WWOX: variants seen among roughly 807,000 people sequenced by gnomAD.
WWOX encodes the protein WW domain containing oxidoreductase, also known as WW domain-containing oxidoreductase.
In WWOX, 69 loss-of-function variants were observed where a neutral mutation model predicts 46.2. The observed-to-expected ratio is 1.49, with a 90% CI of 1.23 to 1.82. WWOX has a LOEUF of 1.82. WWOX is among the 40% of genes most tolerant of loss of function. The probability of loss-of-function intolerance (pLI) is 0.00; values close to 1 mark genes in which losing one functional copy is unlikely to be tolerated. For missense variants in WWOX, 919 were observed against 542.6 expected, an observed-to-expected ratio of 1.69 and a Z score of -6.89; for synonymous variants, 359 against 202.6, an observed-to-expected ratio of 1.77 and a Z score of -6.56.
At chr16:79,129,640 C>A (rs1162932567) in intron 8 of WWOX, among the ~76,000 whole-genome samples, 3 of 152,074 alleles carry the variant, frequency 2.0e-5, no homozygotes, top group Admixed American at 2.0e-4. Flanking sequence ...AAATGAAATT[C>A]ATTTCACATT....
At chr16:79,080,802 A>G (rs879603817) in intron 8 of WWOX, among the ~76,000 whole-genome samples, 2 of 152,216 alleles carry the variant, frequency 1.3e-5, no homozygotes, top group Admixed American at 1.3e-4. Context: ...CAACATCTCT[A>G]AAAGAATTTT....
chr16:78,974,702 A>C (rs559459332), intron 8 of WWOX, among the ~76,000 whole-genome samples: 6 of 152,312 alleles, frequency 3.9e-5, no homozygotes, highest in Admixed American at 1.3e-4. Context: ...AATGGTGTTT[A>C]CAGAGTTGCC....
At chr16:78,336,326 A>T in intron 5 of WWOX, among the ~76,000 whole-genome samples, 1 of 60,598 alleles carries the variant, frequency 1.7e-5, no homozygotes, top group East Asian at 4.1e-4. Flanking sequence ...TACAAAAATA[A>T]CACCAAAAAA....
At chr16:78,712,178 C>G (rs1026376571) in intron 8 of WWOX, among the ~76,000 whole-genome samples, 1 of 152,066 alleles carries the variant, frequency 6.6e-6, no homozygotes. Flanking sequence ...GTGGGATAGG[C>G]TCATTCAGGG....
At chr16:78,289,869 T>TGTGA (rs77142384) in intron 5 of WWOX, among the ~76,000 whole-genome samples, 39,756 of 151,866 alleles carry the variant, frequency 0.26, 5,577 homozygotes, top group East Asian at 0.38. Context: ...TGGCCTACAG[T>TGTGA]GTCAGTACAT....
intron 8 of WWOX, among the ~76,000 whole-genome samples, chr16:78,465,581 T>G (rs1175416351): frequency 1.3e-5 from 2 of 152,252 alleles, no homozygotes; most frequent in East Asian, 3.9e-4. Flanking sequence ...GTAACTCACA[T>G]GGACCCATAA....
intron 8 of WWOX, among the ~76,000 whole-genome samples, chr16:79,180,641 T>C (rs1365570595): frequency 1.3e-5 from 2 of 150,510 alleles, no homozygotes; most frequent in African/African-American, 5.0e-5. Flanking sequence ...ATTTGCTTCT[T>C]TCTTTTTCTC....
chr16:78,701,694 A>C (rs1294413120), intron 8 of WWOX, among the ~76,000 whole-genome samples: 1 of 151,966 alleles, frequency 6.6e-6, no homozygotes, highest in Non-Finnish European at 1.5e-5. Context: ...GGAGCATGCA[A>C]AGGTGCCAGG....
chr16:78,608,891 G>A (rs1303946897), intron 8 of WWOX, among the ~76,000 whole-genome samples: 1 of 152,122 alleles, frequency 6.6e-6, no homozygotes, highest in Non-Finnish European at 1.5e-5. Context: ...CACATGAATG[G>A]TCTGACCTCG....
At chr16:78,311,505 C>G (rs1267962752) in intron 5 of WWOX, among the ~76,000 whole-genome samples, 2 of 152,220 alleles carry the variant, frequency 1.3e-5, no homozygotes, top group Non-Finnish European at 2.9e-5. Context: ...TTTTGAGCTA[C>G]TTCCCTCCTG....
chr16:78,916,601 A>G (rs911518745), intron 8 of WWOX, among the ~76,000 whole-genome samples: 2 of 152,214 alleles, frequency 1.3e-5, no homozygotes, highest in Non-Finnish European at 2.9e-5. Context: ...TACCAAGACA[A>G]CAGACATAAA....
intron 8 of WWOX, among the ~76,000 whole-genome samples, chr16:78,583,376 G>C (rs2045112485): frequency 6.6e-6 from 1 of 152,150 alleles, no homozygotes; most frequent in Non-Finnish European, 1.5e-5. Flanking sequence ...ACCCATTCTA[G>C]AACCTTACCT....
At chr16:78,433,777 CTTTTTTTTTTTTTTTTT>C (rs547236644) in intron 8 of WWOX, among the ~76,000 whole-genome samples, 4 of 84,374 alleles carry the variant, frequency 4.7e-5, no homozygotes, top group Admixed American at 3.2e-4. Flanking sequence ...TTGGGGATGA[CTTTTTTTTTTTTTTTTT>C]TTTTTTTTTT....
intron 8 of WWOX, chr16:78,890,933 C>G (rs963268443): frequency 1.8e-4 from 28 of 152,248 alleles, no homozygotes; most frequent in African/African-American, 6.7e-4. Flanking sequence ...GGGGAACAAA[C>G]CTGTCTTTGG....
chr16:79,207,050 A>T (rs1433957781), intron 8 of WWOX, among the ~76,000 whole-genome samples: 1 of 151,978 alleles, frequency 6.6e-6, no homozygotes, highest in African/African-American at 2.4e-5. Flanking sequence ...GTTCTGGGAG[A>T]GTGGTTATAG....
At chr16:79,162,258 G>GA (rs1346458436) in intron 8 of WWOX, among the ~76,000 whole-genome samples, 1 of 152,204 alleles carries the variant, frequency 6.6e-6, no homozygotes, top group East Asian at 1.9e-4. Flanking sequence ...AGTCATCACG[G>GA]AAGTCTGCCT....
At chr16:78,574,166 A>G (rs2044789006) in intron 8 of WWOX, among the ~76,000 whole-genome samples, 1 of 152,208 alleles carries the variant, frequency 6.6e-6, no homozygotes, top group Non-Finnish European at 1.5e-5. Flanking sequence ...TTTCCCACAA[A>G]GCAGCTTCCT....
rs1028103285 is a variant in WWOX at position 78,365,546 on chromosome 16, G to A, written c.517-21314G>A. On this transcript the variant is annotated intron_variant, in intron 5 of 8. Coordinates refer to ENST00000566780, the MANE Select transcript of WWOX (RefSeq NM_016373.4). The stretch of plus-strand genomic sequence containing the variant: ...CAGATTCCTGCTGGAAGGTCCATAT[G>A]TGCTGTCCCCAGTAGGATTCTGGAA... Among the ~76,000 whole-genome samples the A allele has an allele frequency of 2.0e-5, 3 of 152,138 alleles. No individual in the cohort carries two copies. The East Asian group carries it at 5.8e-4, about 29-fold the overall frequency.
At chr16:78,795,331 A>T (rs188718430) in intron 8 of WWOX, among the ~76,000 whole-genome samples, 1 of 152,138 alleles carries the variant, frequency 6.6e-6, no homozygotes, top group East Asian at 1.9e-4. Context: ...AGGCAGTCCA[A>T]CCCCCTGAAA....
Sources: gnomAD v4.1 joint callset for allele counts (sites outside exome capture counted in the v4.1 genomes callset) on GRCh38, gnomAD v4.1.1 for gene constraint, MANE v1.5 for transcripts, NCBI Gene and HGNC (gene_info 2026-07-23, HGNC 2026-07-21) for gene names.